GLIS3: variants seen among roughly 807,000 people sequenced by gnomAD.
The protein encoded by GLIS3 is zinc finger protein GLIS3.
In GLIS3, 53 loss-of-function variants were observed where a neutral mutation model predicts 78.6. The observed-to-expected ratio is 0.67, with a 90% CI of 0.54 to 0.85. The LOEUF is 0.85. GLIS3 is among the 40% of genes least tolerant of loss of function. The pLI is 0.00. For missense variants in GLIS3, 1,703 were observed against 1,231.1 expected (o/e 1.38, Z -5.74); for synonymous variants, 684 against 509.9 (o/e 1.34, Z -4.60).
intron 4 of GLIS3, among the ~76,000 whole-genome samples, chr9:3,944,627 C>T (rs1588284088): frequency 6.6e-6 from 1 of 152,116 alleles, no homozygotes; most frequent in Non-Finnish European, 1.5e-5. Flanking sequence ...GAATACATAT[C>T]CATAAGAGCA....
chr9:3,986,105 CA>C, intron 4 of GLIS3, among the ~76,000 whole-genome samples: 1 of 152,176 alleles, frequency 6.6e-6, no homozygotes, highest in Non-Finnish European at 1.5e-5. Context: ...ATTAAAACTA[CA>C]AAATGCATTT....
chr9:4,379,701 C>T, the GLIS3 span, among the ~76,000 whole-genome samples: 14 of 152,204 alleles, frequency 9.2e-5, no homozygotes, highest in African/African-American at 3.4e-4. Flanking sequence ...CATTTGCAGT[C>T]AGCACCACTC....
chr9:4,080,496 C>T (rs1828462765), intron 4 of GLIS3, among the ~76,000 whole-genome samples: 1 of 151,754 alleles, frequency 6.6e-6, no homozygotes, highest in Non-Finnish European at 1.5e-5. Flanking sequence ...TTAATACTGC[C>T]CTGTTGTGCC....
At chr9:4,098,869 G>A (rs993198887) in intron 4 of GLIS3, among the ~76,000 whole-genome samples, 2 of 152,128 alleles carry the variant, frequency 1.3e-5, no homozygotes, top group African/African-American at 2.4e-5. Flanking sequence ...AAACCCGCAT[G>A]CAGAGCTCAA....
chr9:4,443,744 A>G, the GLIS3 span, among the ~76,000 whole-genome samples: 122,440 of 152,164 alleles, frequency 0.8, 49,528 homozygotes, highest in African/African-American at 0.87. Flanking sequence ...TATATGTCAA[A>G]TGATTGCAAA....
chr9:4,392,834 G>A, the GLIS3 span, among the ~76,000 whole-genome samples: 2 of 152,038 alleles, frequency 1.3e-5, no homozygotes, highest in Non-Finnish European at 2.9e-5. Context: ...ACACACAAGA[G>A]TACATTACAC....
intron 9 of GLIS3, among the ~76,000 whole-genome samples, chr9:3,844,267 T>C (rs1818906346): frequency 6.6e-6 from 1 of 152,212 alleles, no homozygotes. Context: ...TGTTACATTT[T>C]TTTCTTCTTC....
intron 8 of GLIS3, among the ~76,000 whole-genome samples, chr9:3,858,138 A>T (rs150513219): frequency 6.6e-6 from 1 of 152,146 alleles, no homozygotes; most frequent in East Asian, 1.9e-4. Flanking sequence ...CGGCTCCCCA[A>T]TTCTGTTTCC....
intron 6 of GLIS3, among the ~76,000 whole-genome samples, chr9:3,910,107 C>T (rs1429758174): frequency 6.6e-6 from 1 of 152,156 alleles, no homozygotes; most frequent in Non-Finnish European, 1.5e-5. Flanking sequence ...AAAAGTTTTG[C>T]TTCAAGTTGA....
chr9:4,271,149 T>C (rs1357473616), intron 2 of GLIS3, among the ~76,000 whole-genome samples: 3 of 152,126 alleles, frequency 2.0e-5, no homozygotes, highest in Non-Finnish European at 4.4e-5. Context: ...TTATTAATAA[T>C]AATACTAGAA....
the GLIS3 span, among the ~76,000 whole-genome samples, chr9:4,467,520 C>G: frequency 8.9e-3 from 1,350 of 152,308 alleles, 12 homozygotes; most frequent in African/African-American, 0.03. Context: ...AGGCAAACAG[C>G]GTCTGCAGTG....
At chr9:4,288,675 ATATT>A (rs761091345) in intron 1 of GLIS3, among the ~76,000 whole-genome samples, 62 of 152,188 alleles carry the variant, frequency 4.1e-4, no homozygotes, top group Non-Finnish European at 7.2e-4. Flanking sequence ...CTTGGAATGA[ATATT>A]TATTTTATTT....
At chr9:4,177,342 C>T (rs1252453712) in intron 2 of GLIS3, among the ~76,000 whole-genome samples, 1 of 152,138 alleles carries the variant, frequency 6.6e-6, no homozygotes, top group African/African-American at 2.4e-5. Context: ...AGGAGGTTCA[C>T]AGAATCAGGA....
the GLIS3 span, among the ~76,000 whole-genome samples, chr9:4,423,242 T>C: frequency 6.6e-6 from 1 of 152,178 alleles, no homozygotes; most frequent in African/African-American, 2.4e-5. Flanking sequence ...ATATTTGTCA[T>C]CTGACGTCAC....
the GLIS3 span, among the ~76,000 whole-genome samples, chr9:4,423,176 TA>T: frequency 6.6e-6 from 1 of 152,056 alleles, no homozygotes; most frequent in South Asian, 2.1e-4. Flanking sequence ...ATCTGCCTTT[TA>T]AACAACAAGT....
chr9:4,204,736 A>T (rs1333089698), intron 2 of GLIS3, among the ~76,000 whole-genome samples: 4 of 152,006 alleles, frequency 2.6e-5, no homozygotes, highest in African/African-American at 7.3e-5. Flanking sequence ...TGGGCAACTC[A>T]AACCGTGTCT....
At position 4,208,099 on chromosome 9, in the gene GLIS3, C is replaced by T. The variant is rs542031758; in HGVS notation, c.388+77939G>A. 9.8e-5 allele frequency among the ~76,000 whole-genome samples: 15 copies of T among 152,286 alleles called. No individual in the cohort carries two copies. The South Asian group carries it at 3.1e-3, about 32-fold the overall frequency. On this transcript the variant is annotated intron_variant, in intron 2 of 10. Transcript: ENST00000381971. ...CTTTGCCTGCCAAGAGCAGGCCTAACCAGGCCTGCAGTTTTCATTTGAGTT... is the reference window on the plus strand; with the variant it reads ...CTTTGCCTGCCAAGAGCAGGCCTAATCAGGCCTGCAGTTTTCATTTGAGTT...
intron 4 of GLIS3, among the ~76,000 whole-genome samples, chr9:3,972,145 T>C (rs910925008): frequency 6.6e-6 from 1 of 152,202 alleles, no homozygotes; most frequent in Non-Finnish European, 1.5e-5. Flanking sequence ...TAAATGTCTA[T>C]GTTGTTTACA....
the GLIS3 span, among the ~76,000 whole-genome samples, chr9:4,378,717 T>G: frequency 1.3e-5 from 2 of 152,204 alleles, no homozygotes; most frequent in Non-Finnish European, 2.9e-5. Context: ...AGAGGCAGAA[T>G]GAGAAAGGCA....
Sources: gnomAD v4.1 joint callset for allele counts (sites outside exome capture counted in the v4.1 genomes callset) on GRCh38, gnomAD v4.1.1 for gene constraint, MANE v1.5 for transcripts, NCBI Gene and HGNC (gene_info 2026-07-23, HGNC 2026-07-21) for gene names.